Variants in NBEAL1 observed in about 807,000 individuals in gnomAD.
The protein encoded by NBEAL1 is neurobeachin like 1.
In NBEAL1, 273 loss-of-function variants were observed where a neutral mutation model predicts 351.3. The ratio of observed to expected loss-of-function variants is 0.78; its 90% CI spans 0.70 to 0.86. NBEAL1 has a LOEUF of 0.86. NBEAL1 is among the 40% of genes least tolerant of loss of function. The pLI is 0.00. For missense variants in NBEAL1, 2,961 were observed against 3,201.3 expected, an observed-to-expected ratio of 0.92 and a Z score of 1.81; for synonymous variants, 1,050 against 1,086.4, an observed-to-expected ratio of 0.97 and a Z score of 0.66.
At chr2:203,128,215 T>G (rs1314915219) in intron 24 of NBEAL1, among the ~76,000 whole-genome samples, 2 of 150,684 alleles carry the variant, frequency 1.3e-5, no homozygotes, top group Non-Finnish European at 2.9e-5. Flanking sequence ...GCCCCCTGAG[T>G]AGCTGACATT....
intron 31 of NBEAL1, among the ~76,000 whole-genome samples, chr2:203,140,073 G>T (rs1345797571): frequency 6.6e-6 from 1 of 151,938 alleles, no homozygotes; most frequent in East Asian, 1.9e-4. Context: ...GGCCGAGGCG[G>T]GCGGATCACC....
chr2:203,017,776 CAG>C (rs1454944105), intron 2 of NBEAL1, among the ~76,000 whole-genome samples: 1 of 151,910 alleles, frequency 6.6e-6, no homozygotes, highest in Non-Finnish European at 1.5e-5. Context: ...GCTTATTAAA[CAG>C]ATAGTATAGT....
chr2:203,041,932 T>C, intron 3 of NBEAL1, 76 bp downstream of exon 3: 1 of 935,724 alleles, frequency 1.1e-6, no homozygotes, highest in Non-Finnish European at 1.7e-6. Context: ...GATGACATAT[T>C]ACAAGGATGG....
chr2:203,165,481 G>C (rs1466617768), intron 36 of NBEAL1, among the ~76,000 whole-genome samples: 1 of 152,010 alleles, frequency 6.6e-6, no homozygotes, highest in Non-Finnish European at 1.5e-5. Context: ...TGTATTTTGT[G>C]GGTCAATTCA....
intron 2 of NBEAL1, among the ~76,000 whole-genome samples, chr2:203,039,734 A>G (rs2061108034): frequency 6.6e-6 from 1 of 152,100 alleles, no homozygotes; most frequent in Non-Finnish European, 1.5e-5. Flanking sequence ...TTTTATGTTT[A>G]CGTTAATGAT....
chr2:203,057,473 A>G lies in NBEAL1; in HGVS notation c.515+20A>G. ...TTCAGGGTATGTCTTATAAATAATA[A>G]CGTTCATTTAAAACCTGAATGTCAT... On this transcript the variant is annotated intron_variant, in intron 6 of 55. Coordinates refer to ENST00000683969, the MANE Select transcript of NBEAL1 (RefSeq NM_001378026.1). The G allele has an allele frequency of 6.5e-7, 1 of 1,531,434 alleles. No homozygotes were observed. Among genetic ancestry groups the G allele is most frequent in the Non-Finnish European group, 8.8e-7 (1 of 1,133,760 alleles). 94.9% of individuals were successfully genotyped at this position (1,531,434 alleles called of 1,614,324 possible). A position where few individuals can be genotyped will look rare whatever the true frequency, so the allele number is the denominator to read the frequency against.
chr2:203,190,119 G>A lies in NBEAL1; in HGVS notation c.6824-173G>A, dbSNP rs201227815. ...CCACTGCACTCCAGCCTGGGCAACA[G>A]AGCAAGACTCTGTCTCAAAAAAAAA... is the stretch of plus-strand genomic sequence containing the variant. On this transcript the variant is annotated intron_variant, in intron 45 of 55. Transcript: ENST00000683969. 7.5e-5 allele frequency among the ~76,000 whole-genome samples: 11 copies of A among 146,960 alleles called. No individual in the cohort carries two copies. The East Asian group carries it at 2.2e-3, about 30-fold the overall frequency.
At chr2:203,114,273 C>G (rs969795041) in intron 17 of NBEAL1, among the ~76,000 whole-genome samples, 1 of 152,046 alleles carries the variant, frequency 6.6e-6, no homozygotes, top group African/African-American at 2.4e-5. Flanking sequence ...GGGACATAGT[C>G]AGTCCATAAC....
At chr2:203,031,389 C>G (rs2060947344) in intron 2 of NBEAL1, among the ~76,000 whole-genome samples, 1 of 152,098 alleles carries the variant, frequency 6.6e-6, no homozygotes, top group African/African-American at 2.4e-5. Context: ...GTTCTCAATG[C>G]CTTTCTTTGT....
rs1328009926 is a variant in NBEAL1 at position 203,127,765 on chromosome 2, T to A, written c.3249-16T>A. On this transcript the variant is annotated splice_polypyrimidine_tract_variant and intron_variant, in intron 23 of 55. Transcript: ENST00000683969. ...AAATTAAAATTTCAATTCTTATACT[T>A]TGTTTTGTCTTTCAGGAATGGTTGT... 6 of 1,448,776 alleles carry A rather than the reference T, an allele frequency of 4.1e-6. No homozygotes were observed. In the Admixed American group the frequency reaches 1.1e-4, roughly 26 times the overall value. 89.7% of individuals were successfully genotyped at this position (1,448,776 alleles called of 1,614,324 possible).
chr2:203,033,654 A>AACC (rs2060989336), intron 2 of NBEAL1, among the ~76,000 whole-genome samples: 1 of 152,200 alleles, frequency 6.6e-6, no homozygotes, highest in East Asian at 1.9e-4. Flanking sequence ...CTAGTGTCAC[A>AACC]ACCCCCACCA....
intron 45 of NBEAL1, 131 bp from the exon 46 acceptor site, chr2:203,190,160 AC>A (rs2105774205): frequency 2.7e-3 from 2 of 736 alleles, no homozygotes; most frequent in Non-Finnish European, 0.012. Flanking sequence ...AGATGTGTGT[AC>A]ACACACACAC....
intron 3 of NBEAL1, among the ~76,000 whole-genome samples, chr2:203,043,254 C>T (rs1034320521): frequency 2.0e-5 from 3 of 152,072 alleles, no homozygotes; most frequent in African/African-American, 7.2e-5. Context: ...ACTGAAAGTA[C>T]AAATCTTTCA....
intron 46 of NBEAL1, chr2:203,190,607 C>G (rs894067842): frequency 1.7e-6 from 1 of 586,538 alleles, no homozygotes; most frequent in African/African-American, 2.0e-5. Flanking sequence ...GGACTCATTC[C>G]ACATGTAAAA....
intron 43 of NBEAL1, chr2:203,182,479 A>G (rs544978902): frequency 6.6e-6 from 1 of 152,316 alleles, no homozygotes; most frequent in African/African-American, 2.4e-5. Flanking sequence ...GGCATGAAAT[A>G]TAGGGCAGAG....
At chr2:203,054,147 G>A (rs185801792) in intron 4 of NBEAL1, among the ~76,000 whole-genome samples, 23 of 152,184 alleles carry the variant, frequency 1.5e-4, no homozygotes, top group Non-Finnish European at 3.1e-4. Context: ...TCCTGCTGGC[G>A]GAGTGCAGTG....
intron 12 of NBEAL1, among the ~76,000 whole-genome samples, chr2:203,106,653 C>T (rs983452599): frequency 1.3e-5 from 2 of 151,912 alleles, no homozygotes; most frequent in Non-Finnish European, 2.9e-5. Context: ...GATTATATAA[C>T]AAAAATACAT....
intron 42 of NBEAL1, among the ~76,000 whole-genome samples, 170 bp downstream of exon 42, chr2:203,175,457 G>C (rs1367612006): frequency 6.6e-6 from 1 of 152,176 alleles, no homozygotes; most frequent in Non-Finnish European, 1.5e-5. Context: ...TCTCACACAA[G>C]TGATTTAAGG....
Position 203,090,951 on chromosome 2 carries a change from G to A in NBEAL1, c.1098+6382G>A, listed in dbSNP as rs181387189. ...AAAAGGAAAGGGAAAGGGAAGGGAAGGGAGAAAGGAAAGGAAGAAAGGAAA... is the reference window on the plus strand; with the variant it reads ...AAAAGGAAAGGGAAAGGGAAGGGAAAGGAGAAAGGAAAGGAAGAAAGGAAA... On this transcript the variant is annotated intron_variant, in intron 10 of 55. Transcript: ENST00000683969. Among the ~76,000 whole-genome samples the A allele has an allele frequency of 3.1e-4, 47 of 151,356 alleles. 1 individual carries two copies. Among genetic ancestry groups the A allele is most frequent in the Middle Eastern group, 3.4e-3 (1 of 290 alleles).
Sources: gnomAD v4.1 joint callset for allele counts (sites outside exome capture counted in the v4.1 genomes callset) on GRCh38, gnomAD v4.1.1 for gene constraint, MANE v1.5 for transcripts, NCBI Gene and HGNC (gene_info 2026-07-23, HGNC 2026-07-21) for gene names.